ADGRB1: variants seen among roughly 807,000 people sequenced by gnomAD.
ADGRB1 encodes brain-specific angiogenesis inhibitor 1.
In ADGRB1, 36 loss-of-function variants were observed where a neutral mutation model predicts 175.7. The ratio of observed to expected loss-of-function variants is 0.20; its 90% CI spans 0.16 to 0.27. ADGRB1 has a LOEUF of 0.27. Among genes scored for constraint, ADGRB1 ranks in the 10% least tolerant of loss-of-function variants. The probability of loss-of-function intolerance (pLI) is 1.00; values close to 1 mark genes in which losing one functional copy is unlikely to be tolerated. For synonymous variants in ADGRB1, 1,054 were observed against 979.4 expected (o/e 1.08, Z -1.42); for missense variants, 1,731 against 2,255.3 (o/e 0.77, Z 4.71).
intron 19 of ADGRB1, among the ~76,000 whole-genome samples, chr8:142,518,608 T>C (rs1843588346): frequency 6.6e-6 from 1 of 152,142 alleles, no homozygotes; most frequent in South Asian, 2.1e-4. Flanking sequence ...CCAAAGCCCC[T>C]GCTCACTCTC....
chr8:142,459,391 C>T lies in ADGRB1; in HGVS notation c.-219-4589C>T, dbSNP rs754171441. 5.3e-5 allele frequency among the ~76,000 whole-genome samples: 8 copies of T among 152,132 alleles called. No homozygotes were observed. In the South Asian group the frequency reaches 8.3e-4, roughly 16 times the overall value. On this transcript the variant is annotated intron_variant, in intron 1 of 30. Transcript: ENST00000517894. Reference sequence around the variant, plus strand: ...GGAGGGTGAGCCAGCCCAGGGGAGCCGAGGCCAGAGGTACAGCTGTGCAGA... The same window carrying T: ...GGAGGGTGAGCCAGCCCAGGGGAGCTGAGGCCAGAGGTACAGCTGTGCAGA...
intron 11 of ADGRB1, among the ~76,000 whole-genome samples, chr8:142,483,443 G>C (rs1165221165): frequency 6.7e-6 from 1 of 149,458 alleles, no homozygotes; most frequent in Non-Finnish European, 1.5e-5. Context: ...GTCACATGCT[G>C]AGTCCTGACC....
At chr8:142,521,822 G>C in intron 20 of ADGRB1, 143 bp from the exon 21 acceptor site, 4 of 896,684 alleles carry the variant, frequency 4.5e-6, no homozygotes, top group Non-Finnish European at 6.7e-6. Flanking sequence ...GTGATCTCTG[G>C]ATTGCCTTCT....
In ADGRB1 at chr8:142,542,086, C is replaced by T. The variant is rs1282169393; in HGVS notation, c.3852C>T (p.Ser1284=). Residue 1284 remains serine (S), a synonymous_variant, in exon 28 of 31, where the codon TCC becomes TCT. Coordinates refer to ENST00000517894, the MANE Select transcript of ADGRB1 (RefSeq NM_001702.3). This position sits in a 1 kb window ranked among gnomAD's most constrained non-coding sequence, Gnocchi z 6.3. The part of the protein sequence containing the change: ...TNFNSLPANV[S]KLHLHGSPRY... ...TCAACAGCCTGCCGGCCAACGTGTC[C>T]AAGCTGCACCTGCACGGCTCACCCC... 1 of 1,613,296 alleles carries T rather than the reference C, an allele frequency of 6.2e-7. No homozygotes were observed. Among genetic ancestry groups the T allele is most frequent in the Non-Finnish European group, 8.5e-7 (1 of 1,179,826 alleles).
intron 17 of ADGRB1, among the ~76,000 whole-genome samples, chr8:142,500,585 A>T (rs936047221): frequency 6.6e-6 from 1 of 151,548 alleles, no homozygotes; most frequent in African/African-American, 2.4e-5. Context: ...CAGGAGCACA[A>T]TGGCTCATTT....
In ADGRB1 at chr8:142,493,502, G is replaced by A. The variant is rs891184559; in HGVS notation, c.2675+2687G>A. Among the ~76,000 whole-genome samples the A allele has an allele frequency of 5.3e-5, 8 of 152,232 alleles. No homozygotes were observed. The highest frequency in any genetic ancestry group is 1.0e-4 in the Non-Finnish European group (7 of 68,038). On this transcript the variant is annotated intron_variant, in intron 17 of 30. Transcript: ENST00000517894. The surrounding 1 kb of genome is among the most constrained non-coding windows in gnomAD (Gnocchi z 5.0). ...ACCCACCCCGTCACCGGCTGGGTGC[G>A]CTGAGTGCTAAGGTCTTGGTGCCTG... is the stretch of plus-strand genomic sequence containing the variant.
Position 142,479,323 on chromosome 8 carries a change from T to C in ADGRB1, c.1562T>C (p.Val521Ala). 1 of 1,505,240 alleles carries C rather than the reference T, an allele frequency of 6.6e-7. No individual in the cohort carries two copies. Among genetic ancestry groups the C allele is most frequent in the Non-Finnish European group, 8.8e-7 (1 of 1,132,406 alleles). The allele number at this position is 1,505,240 out of a possible 1,614,324, so 93.2% of individuals were successfully genotyped here. The change falls in exon 8 of 31, where the codon GTG becomes GCG. Residue 521 changes from valine (V) to alanine (A), a missense_variant and splice_region_variant. Val to Ala is a moderately conservative substitution (Grantham distance 64). Around this residue, in one of 8 missense-constraint regions of ADGRB1, gnomAD observed 388 missense variants for 630.9 expected, o/e 0.61. Coordinates refer to ENST00000517894, the MANE Select transcript of ADGRB1 (RefSeq NM_001702.3). ...CCCTGTGTCTGGCCACGCCCCGCAG[T>C]GGATGGCAAGTGGCAGGCCTGGGCG... ...TRDCFLQQCP[V>A]DGKWQAWASW...
In ADGRB1 at chr8:142,510,792, G is replaced by T; in HGVS notation, c.2676-140G>T. The T allele has an allele frequency of 4.6e-6, 1 of 217,734 alleles. No individual in the cohort carries two copies. The highest frequency in any genetic ancestry group is 7.6e-6 in the Non-Finnish European group (1 of 132,050). 13.5% of individuals were successfully genotyped at this position (217,734 alleles called of 1,614,324 possible). On this transcript the variant is annotated intron_variant, in intron 17 of 30. Transcript: ENST00000517894. The surrounding 1 kb of genome is among the most constrained non-coding windows in gnomAD (Gnocchi z 6.3). ...CTGGCGGCGGCGGGCGGACGGGCGC[G>T]CGGCTGCGGGCGCAGGTGCGGGGCG... is the stretch of plus-strand genomic sequence containing the variant.
intron 2 of ADGRB1, among the ~76,000 whole-genome samples, chr8:142,469,166 T>A (rs113413049): frequency 5.5e-4 from 55 of 100,616 alleles, no homozygotes; most frequent in African/African-American, 1.6e-3. Context: ...CATGTGTGTG[T>A]GTGTGCATGT....
chr8:142,453,178 T>C (rs1396700845), intron 1 of ADGRB1, among the ~76,000 whole-genome samples: 1 of 152,098 alleles, frequency 6.6e-6, no homozygotes, highest in African/African-American at 2.4e-5. Context: ...GTTTGCGTGC[T>C]GGTGTCCATG....
chr8:142,459,313 C>T (rs917847102), intron 1 of ADGRB1, among the ~76,000 whole-genome samples: 1 of 152,166 alleles, frequency 6.6e-6, no homozygotes, highest in African/African-American at 2.4e-5. Context: ...ATCCTCCCAA[C>T]CCAGGGGATC....
At chr8:142,469,077 G>A (rs1840437404) in intron 2 of ADGRB1, among the ~76,000 whole-genome samples, 1 of 152,292 alleles carries the variant, frequency 6.6e-6, no homozygotes, top group Non-Finnish European at 1.5e-5. Context: ...CCTTGACGCT[G>A]CCATCGAGTG....
chr8:142,544,277 G>A lies in ADGRB1; in HGVS notation c.4615G>A (p.Gly1539Arg), dbSNP rs866018847. 1.2e-5 allele frequency: 19 copies of A among 1,549,384 alleles called. No homozygotes were observed. In the Middle Eastern group the frequency reaches 9.0e-4, roughly 73 times the overall value. Reference sequence around the variant, plus strand: ...CTGGGAGAGCCTCCGGAAAGCCCACGGGACGCCCACGTGGGTGAAGAAGGA... The same window carrying A: ...CTGGGAGAGCCTCCGGAAAGCCCACAGGACGCCCACGTGGGTGAAGAAGGA... ...RPWESLRKAH[G>R]TPTWVKKELE... is the part of the protein sequence containing the mutation. The change falls in exon 31 of 31, where the codon GGG (glycine) becomes AGG (arginine). Residue 1539 changes from glycine to arginine, a missense_variant. By Grantham distance (125) the Gly-to-Arg change is moderately radical (BLOSUM62 -2). Coordinates refer to ENST00000517894, the MANE Select transcript of ADGRB1 (RefSeq NM_001702.3).
In ADGRB1 at chr8:142,474,999, C is replaced by A. The variant is rs1420184986; in HGVS notation, c.785-475C>A. Among the ~76,000 whole-genome samples, 1 of 152,114 alleles carries A rather than the reference C, an allele frequency of 6.6e-6. No homozygotes were observed. The highest frequency in any genetic ancestry group is 1.5e-5 in the Non-Finnish European group (1 of 68,002). ...CACAGCTGGGGTGTGAAATGTGGAG[C>A]CCTGGTGATGAGGGTGGTGACCCTC... On this transcript the variant is annotated intron_variant, in intron 2 of 30. Coordinates refer to ENST00000517894, the MANE Select transcript of ADGRB1 (RefSeq NM_001702.3). This position sits in a 1 kb window ranked among gnomAD's most constrained non-coding sequence, Gnocchi z 5.8.
In ADGRB1 at chr8:142,493,109, C is replaced by T. The variant is rs1563709478; in HGVS notation, c.2675+2294C>T. On this transcript the variant is annotated intron_variant, in intron 17 of 30. Coordinates refer to ENST00000517894, the MANE Select transcript of ADGRB1 (RefSeq NM_001702.3). This position sits in a 1 kb window ranked among gnomAD's most constrained non-coding sequence, Gnocchi z 5.0. ...GGGATCAGTCCCCAGGCAGTCTTGTCAGGTGGAGGGTGTGGGCCCCTGGGG... is the reference window on the plus strand; with the variant it reads ...GGGATCAGTCCCCAGGCAGTCTTGTTAGGTGGAGGGTGTGGGCCCCTGGGG... Among the ~76,000 whole-genome samples the T allele has an allele frequency of 6.6e-6, 1 of 151,914 alleles. No individual in the cohort carries two copies. The highest frequency in any genetic ancestry group is 1.5e-5 in the Non-Finnish European group (1 of 67,942).
chr8:142,469,537 G>A (rs1446257718), intron 2 of ADGRB1, among the ~76,000 whole-genome samples: 1 of 143,408 alleles, frequency 7.0e-6, no homozygotes, highest in African/African-American at 2.5e-5. Flanking sequence ...GTGTGAATGT[G>A]AGTGTATGCA....
chr8:142,540,198 G>A (rs1845181554), intron 27 of ADGRB1, among the ~76,000 whole-genome samples: 1 of 152,246 alleles, frequency 6.6e-6, no homozygotes. Flanking sequence ...CCTGGCAGAG[G>A]AGCTGGGACA....
At position 142,477,219 on chromosome 8, in the gene ADGRB1, C is replaced by T. The variant is rs1563692351; in HGVS notation, c.1163C>T (p.Thr388Met). 7 of 1,600,978 alleles carry T rather than the reference C, an allele frequency of 4.4e-6. No individual in the cohort carries two copies. Among genetic ancestry groups the T allele is most frequent in the South Asian group, 1.1e-5 (1 of 90,894 alleles). The change falls in exon 5 of 31, where the codon ACG becomes ATG. Residue 388 changes from threonine to methionine, a missense_variant. Coordinates refer to ENST00000517894, the MANE Select transcript of ADGRB1 (RefSeq NM_001702.3). ...TRFCVSSSYS[T>M]QCSGPLREQR... is the part of the protein sequence containing the mutation. ...TTCTGCGTGTCCTCCTCCTACAGCA[C>T]GCAGTGCAGCGGACCCCTGCGCGAG...
chr8:142,458,703 C>T (rs933790007), intron 1 of ADGRB1, among the ~76,000 whole-genome samples: 6 of 152,172 alleles, frequency 3.9e-5, no homozygotes, highest in African/African-American at 7.2e-5. Context: ...TGGCCAGCCT[C>T]CTCTGCAGCA....
Sources: gnomAD v4.1 joint callset for allele counts (sites outside exome capture counted in the v4.1 genomes callset) on GRCh38, gnomAD v4.1.1 for gene constraint, gnomAD v4.1.1 regional missense constraint, Gnocchi (gnomAD v3.1) non-coding constraint, MANE v1.5 for transcripts, NCBI Gene and HGNC (gene_info 2026-07-23, HGNC 2026-07-21) for gene names.